Variants in CASZ1 observed in about 807,000 individuals in gnomAD.
CASZ1 encodes castor zinc finger 1.
CASZ1 carries 28 observed loss-of-function variants against 135.2 expected under a neutral mutation model. The observed-to-expected ratio is 0.21, with a 90% CI of 0.15 to 0.28. CASZ1 has a LOEUF of 0.28. CASZ1 is among the 10% of genes least tolerant of loss of function. CASZ1 has a pLI of 1.00. For missense variants in CASZ1, 2,161 were observed against 2,453.3 expected (o/e 0.88, Z 2.52); for synonymous variants, 1,068 against 1,073.4 (o/e 0.99, Z 0.10).
At chr1:10,643,965 C>T (rs971119103) in intron 18 of CASZ1, among the ~76,000 whole-genome samples, 5 of 152,264 alleles carry the variant, frequency 3.3e-5, no homozygotes, top group Non-Finnish European at 7.3e-5. Flanking sequence ...CAAGTGTTGA[C>T]GCTTATTGGC....
rs930568648 is a variant in CASZ1 at position 10,636,923 on chromosome 1, T to C, written c.*2019A>G. 6.6e-6 allele frequency: 1 copy of C among 152,148 alleles called. No individual in the cohort carries two copies. Among genetic ancestry groups the C allele is most frequent in the Non-Finnish European group, 1.5e-5 (1 of 67,988 alleles). The allele number at this position is 152,148 out of a possible 1,614,324, so 9.4% of individuals were successfully genotyped here. The stretch of plus-strand genomic sequence containing the variant: ...GTGCATACATATTATTTGATATTTA[T>C]ATATATACACATACATAGTTATAAA... On this transcript the variant is annotated 3_prime_UTR_variant, in exon 21 of 21. Coordinates refer to ENST00000377022, the MANE Select transcript of CASZ1 (RefSeq NM_001079843.3).
At position 10,646,317 on chromosome 1, in the gene CASZ1, G is replaced by A; in HGVS notation, c.3507C>T (p.Cys1169=). ...TGGCGTACTTGCAGTCCGTGGCGAGGCAAGGATCGCTGGAAGGAAACCACA... is the reference window on the plus strand; with the variant it reads ...TGGCGTACTTGCAGTCCGTGGCGAGACAAGGATCGCTGGAAGGAAACCACA... The part of the protein sequence containing the change: ...GFLQFQENDP[C]LATDCKYANK... The change falls in exon 17 of 21, where the codon TGC becomes TGT. Residue 1169 remains cysteine, a synonymous_variant. Coordinates refer to ENST00000377022, the MANE Select transcript of CASZ1 (RefSeq NM_001079843.3). This position sits in a 1 kb window ranked among gnomAD's most constrained non-coding sequence, Gnocchi z 6.4. The A allele has an allele frequency of 1.2e-6, 2 of 1,614,010 alleles. No individual in the cohort carries two copies. The highest frequency in any genetic ancestry group is 1.7e-6 in the Non-Finnish European group (2 of 1,179,976).
At chr1:10,712,910 C>T (rs989893368) in intron 2 of CASZ1, among the ~76,000 whole-genome samples, 1 of 152,240 alleles carries the variant, frequency 6.6e-6, no homozygotes, top group Non-Finnish European at 1.5e-5. Flanking sequence ...GGGTCTGAGT[C>T]GATGACTTCC....
chr1:10,661,589 C>T (rs1643028271), intron 5 of CASZ1, among the ~76,000 whole-genome samples: 1 of 150,826 alleles, frequency 6.6e-6, no homozygotes, highest in Non-Finnish European at 1.5e-5. Flanking sequence ...CAAACACACA[C>T]ACCCAACACG....
At chr1:10,673,124 AAAGGGGGACCGAGTG>A (rs1301939031) in intron 4 of CASZ1, among the ~76,000 whole-genome samples, 1 of 152,108 alleles carries the variant, frequency 6.6e-6, no homozygotes, top group Non-Finnish European at 1.5e-5. Context: ...AGGGGCTGGA[AAAGGGGGACCGAGTG>A]AAGGGGAGGA....
chr1:10,771,543 T>C (rs534921745), intron 1 of CASZ1, among the ~76,000 whole-genome samples: 43 of 152,168 alleles, frequency 2.8e-4, no homozygotes, highest in African/African-American at 1.0e-3. Context: ...AAAACATAGC[T>C]GTTGCTTAAT....
At position 10,794,198 on chromosome 1, in the gene CASZ1, T is replaced by TGTGC. The variant is rs1491477679; in HGVS notation, c.-234+2365_-234+2366insGCAC. ...ATGCGTGTGTGTGTGTGTGTGTGTG[T>TGTGC]GCGCGCGCGCGCGCGTCGTGGGTTG... On this transcript the variant is annotated intron_variant, in intron 1 of 20. Transcript: ENST00000377022. This position sits in a 1 kb window ranked among gnomAD's most constrained non-coding sequence, Gnocchi z 5.6. Among the ~76,000 whole-genome samples, 21 of 140,830 alleles carry TGTGC rather than the reference T, an allele frequency of 1.5e-4. No individual in the cohort carries two copies. Among genetic ancestry groups the TGTGC allele is most frequent in the African/African-American group, 4.8e-4 (18 of 37,604 alleles). The allele number at this position is 140,830 out of a possible 152,430, so 92.4% of individuals were successfully genotyped here.
In CASZ1 at chr1:10,701,683, C is replaced by T. The variant is rs535309494; in HGVS notation, c.-24+3809G>A. ...TATTCAACCTGACATCCCATCTTGT[C>T]GTGAATGAAGACTCGGCCGATCAGG... On this transcript the variant is annotated intron_variant, in intron 3 of 20. Transcript: ENST00000377022. The surrounding 1 kb of genome is among the most constrained non-coding windows in gnomAD (Gnocchi z 6.3). Among the ~76,000 whole-genome samples, 1 of 152,344 alleles carries T rather than the reference C, an allele frequency of 6.6e-6. No homozygotes were observed. The highest frequency in any genetic ancestry group is 1.5e-5 in the Non-Finnish European group (1 of 68,034).
chr1:10,694,680 T>TCGCGCCCCCGCCG lies in CASZ1; in HGVS notation c.-23-781_-23-769dup, dbSNP rs573848929. Among the ~76,000 whole-genome samples, 334 of 138,398 alleles carry TCGCGCCCCCGCCG rather than the reference T, an allele frequency of 2.4e-3. 2 individuals carry two copies. Among genetic ancestry groups the TCGCGCCCCCGCCG allele is most frequent in the Middle Eastern group, 4.1e-3 (1 of 246 alleles). 90.8% of individuals were successfully genotyped at this position (138,398 alleles called of 152,430 possible). A position where few individuals can be genotyped will look rare whatever the true frequency, so the allele number is the denominator to read the frequency against. On this transcript the variant is annotated intron_variant, in intron 3 of 20. Transcript: ENST00000377022. This position sits in a 1 kb window ranked among gnomAD's most constrained non-coding sequence, Gnocchi z 6.6. ...CCGGAGTGAATGGGCTCGCGCTCGC[T>TCGCGCCCCCGCCG]CGCGCCCCCGCCGCGCGCCCCCGCC...
chr1:10,696,016 C>G (rs768192669), intron 3 of CASZ1, among the ~76,000 whole-genome samples: 2 of 152,204 alleles, frequency 1.3e-5, no homozygotes, highest in African/African-American at 2.4e-5. Context: ...CCAGGCTTCC[C>G]TGGTCTTTGG....
intron 4 of CASZ1, among the ~76,000 whole-genome samples, chr1:10,670,930 C>A (rs1643378800): frequency 1.3e-5 from 2 of 152,284 alleles, no homozygotes; most frequent in South Asian, 4.1e-4. Flanking sequence ...AACAGAAGGG[C>A]CTCTAAGTTC....
chr1:10,707,014 C>A lies in CASZ1; in HGVS notation c.-76-1470G>T, dbSNP rs566351324. 6.6e-6 allele frequency among the ~76,000 whole-genome samples: 1 copy of A among 152,166 alleles called. No homozygotes were observed. The highest frequency in any genetic ancestry group is 1.5e-5 in the Non-Finnish European group (1 of 67,958). Reference sequence around the variant, plus strand: ...GTCACAGGGTCCGGGGATGGAGACCCCCAGGCCTCCACTGCAAGGCACCAG... The same window carrying A: ...GTCACAGGGTCCGGGGATGGAGACCACCAGGCCTCCACTGCAAGGCACCAG... On this transcript the variant is annotated intron_variant, in intron 2 of 20. Coordinates refer to ENST00000377022, the MANE Select transcript of CASZ1 (RefSeq NM_001079843.3). This position sits in a 1 kb window ranked among gnomAD's most constrained non-coding sequence, Gnocchi z 5.0.
chr1:10,793,726 G>T (rs543557243), intron 1 of CASZ1, among the ~76,000 whole-genome samples: 1 of 151,772 alleles, frequency 6.6e-6, no homozygotes, highest in Non-Finnish European at 1.5e-5. Context: ...TGGGTGGCGG[G>T]GGGGCGGGGC....
rs928607676 is a variant in CASZ1 at position 10,699,783 on chromosome 1, C to T, written c.-24+5709G>A. ...CTTGTGTCTCCCTTCCCCTTTGTCT[C>T]ACCCTTGTAGGTTTCTCTTATCAGA... On this transcript the variant is annotated intron_variant, in intron 3 of 20. Transcript: ENST00000377022. The surrounding 1 kb of genome is among the most constrained non-coding windows in gnomAD (Gnocchi z 4.6). Among the ~76,000 whole-genome samples the T allele has an allele frequency of 3.3e-5, 5 of 152,178 alleles. No individual in the cohort carries two copies. The highest frequency in any genetic ancestry group is 1.3e-4 in the Admixed American group (2 of 15,286).
intron 1 of CASZ1, among the ~76,000 whole-genome samples, chr1:10,787,719 CT>C (rs1367022894): frequency 7.2e-5 from 11 of 152,174 alleles, no homozygotes; most frequent in African/African-American, 2.7e-4. Context: ...GGCAGCGAGG[CT>C]TCCTTTTGGT....
intron 2 of CASZ1, among the ~76,000 whole-genome samples, chr1:10,750,350 A>C (rs1640127518): frequency 6.6e-6 from 1 of 152,120 alleles, no homozygotes; most frequent in East Asian, 1.9e-4. Context: ...ATCACAGCTC[A>C]CTATAGCCTC....
At chr1:10,665,624 A>C (rs1643211879) in intron 4 of CASZ1, 53 bp from the exon 5 acceptor site, 2 of 1,478,058 alleles carry the variant, frequency 1.4e-6, no homozygotes, top group Admixed American at 2.2e-5. Context: ...GCCAAGAACA[A>C]CCCACCCTCC....
At chr1:10,775,751 G>C (rs1640651512) in intron 1 of CASZ1, among the ~76,000 whole-genome samples, 1 of 152,290 alleles carries the variant, frequency 6.6e-6, no homozygotes, top group Non-Finnish European at 1.5e-5. Context: ...CCGATGTCAG[G>C]ACAAGAAGGA....
intron 2 of CASZ1, among the ~76,000 whole-genome samples, chr1:10,753,796 T>C (rs1322288133): frequency 6.6e-6 from 1 of 152,178 alleles, no homozygotes; most frequent in Non-Finnish European, 1.5e-5. Flanking sequence ...ATATGCGACC[T>C]GTGAGAGGCG....
Sources: allele counts gnomAD v4.1 joint callset (sites outside exome capture counted in the v4.1 genomes callset), GRCh38; gene constraint gnomAD v4.1.1; non-coding constraint Gnocchi (gnomAD v3.1); transcripts MANE v1.5; gene names NCBI Gene and HGNC (gene_info 2026-07-23, HGNC 2026-07-21).